FYCO1: variants seen among roughly 807,000 people sequenced by gnomAD.
FYCO1 encodes the protein FYVE and coiled-coil domain autophagy adaptor 1, also known as FYVE and coiled-coil domain-containing protein 1.
A neutral mutation model predicts 165.1 loss-of-function variants in FYCO1; 122 were observed. The ratio of observed to expected loss-of-function variants is 0.74; its 90% CI spans 0.64 to 0.86. The LOEUF (loss-of-function observed/expected upper bound fraction) is 0.86, where lower values mean the gene tolerates loss of function less well. Ranked by LOEUF, FYCO1 falls within the 40% of genes least tolerant of loss-of-function variation. The probability of loss-of-function intolerance (pLI) is 0.00; values close to 1 mark genes in which losing one functional copy is unlikely to be tolerated. For synonymous variants in FYCO1, 648 were observed against 742.5 expected (o/e 0.87, Z 2.07); for missense variants, 1,702 against 1,810.3 (o/e 0.94, Z 1.09).
At chr3:45,948,430 C>G (rs1383947926) in intron 14 of FYCO1, 1 of 153,732 alleles carries the variant, frequency 6.5e-6, no homozygotes, top group African/African-American at 2.4e-5. Context: ...GGGCTCAGAG[C>G]CCGGGAAATA....
chr3:45,966,118 T>C (rs1251210673), intron 8 of FYCO1, among the ~76,000 whole-genome samples, 159 bp downstream of exon 8: 1 of 152,236 alleles, frequency 6.6e-6, no homozygotes, highest in African/African-American at 2.4e-5. Context: ...AAGATGCTAC[T>C]GGGAGCTGTG....
chr3:45,958,727 G>T, intron 12 of FYCO1, 108 bp from the exon 13 acceptor site: 1 of 1,050,076 alleles, frequency 9.5e-7, no homozygotes, highest in Non-Finnish European at 1.5e-6. Flanking sequence ...CATCAGACCT[G>T]GCTCTGCCCC....
intron 15 of FYCO1, among the ~76,000 whole-genome samples, chr3:45,935,689 T>C (rs933144837): frequency 2.0e-5 from 3 of 152,368 alleles, no homozygotes; most frequent in African/African-American, 7.2e-5. Context: ...TAGCAAGCAC[T>C]ACCTTGTAAC....
chr3:45,964,278 G>T lies in FYCO1; in HGVS notation c.3269+58C>A. 2 of 1,312,626 alleles carry T rather than the reference G, an allele frequency of 1.5e-6. No individual in the cohort carries two copies. The highest frequency in any genetic ancestry group is 1.2e-5 in the South Asian group (1 of 84,956). 81.3% of individuals were successfully genotyped at this position (1,312,626 alleles called of 1,614,324 possible). ...GAGTGACTGACTTTCTAAATGACGA[G>T]ACCAAACACTCCTTCCCTGAAGACT... On this transcript the variant is annotated intron_variant, in intron 10 of 17. Transcript: ENST00000296137. The surrounding 1 kb of genome is among the most constrained non-coding windows in gnomAD (Gnocchi z 4.1).
Position 45,968,242 on chromosome 3 carries a change from A to G in FYCO1, c.1092T>C (p.His364=). 6.2e-7 allele frequency: 1 copy of G among 1,613,980 alleles called. No homozygotes were observed. The highest frequency in any genetic ancestry group is 8.5e-7 in the Non-Finnish European group (1 of 1,180,024). ...CTAGCCAGCCTGGGAAGCTGGCTAA[A>G]TGCTGGTTTTTCTTGTCCAGTGAGT... ...TRDSLDKKNQ[H]LASFPGWLAM... is the part of the protein sequence containing the mutation. The change falls in exon 8 of 18, where the codon CAT becomes CAC. Residue 364 remains histidine (H), a synonymous_variant. Coordinates refer to ENST00000296137, the MANE Select transcript of FYCO1 (RefSeq NM_024513.4).
chr3:45,967,772 T>C lies in FYCO1; in HGVS notation c.1562A>G (p.Gln521Arg), dbSNP rs1431291458. The change falls in exon 8 of 18, where the codon CAG (glutamine) becomes CGG (arginine). Residue 521 changes from glutamine to arginine, a missense_variant. By Grantham distance (43) the Gln-to-Arg change is conservative. Transcript: ENST00000296137. The part of the protein sequence containing the change: ...LTRQLQFLET[Q>R]LAQVSQHVSD... ...CACATGTTGGCTCACCTGTGCCAGC[T>C]GGGTCTCCAGGAACTGCAGCTGCCG... 6.2e-7 allele frequency: 1 copy of C among 1,613,810 alleles called. No homozygotes were observed.
chr3:45,927,360 T>C (rs562300559), intron 16 of FYCO1, among the ~76,000 whole-genome samples: 5 of 152,270 alleles, frequency 3.3e-5, no homozygotes, highest in East Asian at 3.9e-4. Context: ...AAATTAGAAA[T>C]CAAGAGCAGA....
At chr3:45,934,289 G>A (rs150083055) in intron 15 of FYCO1, among the ~76,000 whole-genome samples, 1 of 152,302 alleles carries the variant, frequency 6.6e-6, no homozygotes, top group Non-Finnish European at 1.5e-5. Flanking sequence ...AGATTTAAGA[G>A]CTGAGTGTAC....
At chr3:45,978,859 T>G (rs1369499551) in intron 4 of FYCO1, among the ~76,000 whole-genome samples, 3 of 54,774 alleles carry the variant, frequency 5.5e-5, no homozygotes, top group Admixed American at 6.7e-4. Context: ...TGTTCTGGAG[T>G]TTTTTTTTTT....
At chr3:45,927,466 G>T (rs1703377813) in intron 16 of FYCO1, among the ~76,000 whole-genome samples, 1 of 152,140 alleles carries the variant, frequency 6.6e-6, no homozygotes, top group Admixed American at 6.5e-5. Flanking sequence ...GGCATGGGAG[G>T]GAGAGCGAGC....
At chr3:45,986,161 G>C (rs1707305045) in intron 1 of FYCO1, among the ~76,000 whole-genome samples, 2 of 152,224 alleles carry the variant, frequency 1.3e-5, no homozygotes, top group South Asian at 4.1e-4. Flanking sequence ...GAATCACAGA[G>C]ACTGAACTCT....
In FYCO1 at chr3:45,935,126, G is replaced by C. The variant is rs571347733; in HGVS notation, c.4040+1322C>G. Among the ~76,000 whole-genome samples, 8 of 152,266 alleles carry C rather than the reference G, an allele frequency of 5.3e-5. No homozygotes were observed. The South Asian group carries it at 1.7e-3, about 32-fold the overall frequency. On this transcript the variant is annotated intron_variant, in intron 15 of 17. Coordinates refer to ENST00000296137, the MANE Select transcript of FYCO1 (RefSeq NM_024513.4). ...TCTCACGACCACATCTAAACCTTCA[G>C]GAAATTCTGTCTGCACCACCTTCAA...
rs1260558432 is a variant in FYCO1, at chr3:45,979,704, C to T, written c.288+1G>A. On this transcript the variant is annotated splice_donor_variant, in intron 4 of 17. Coordinates refer to ENST00000296137, the MANE Select transcript of FYCO1 (RefSeq NM_024513.4). LOFTEE classifies it high-confidence loss of function. The stretch of plus-strand genomic sequence containing the variant: ...AGTTGTTGGCTGCTTGCTCAGCTTA[C>T]CTCTGAGATAGACTTGACAAAGCGG... 1 of 1,613,804 alleles carries T rather than the reference C, an allele frequency of 6.2e-7. No individual in the cohort carries two copies. Among genetic ancestry groups the T allele is most frequent in the Admixed American group, 1.7e-5 (1 of 60,024 alleles).
Position 45,938,847 on chromosome 3 carries a change from A to G in FYCO1, c.3945-2304T>C, listed in dbSNP as rs895858159. 9.2e-5 allele frequency among the ~76,000 whole-genome samples: 14 copies of G among 152,320 alleles called. No homozygotes were observed. The East Asian group carries it at 2.7e-3, about 29-fold the overall frequency. On this transcript the variant is annotated intron_variant, in intron 14 of 17. Coordinates refer to ENST00000296137, the MANE Select transcript of FYCO1 (RefSeq NM_024513.4). ...ACACATGCAAACTAGGTAGCCGTGC[A>G]AAATGTATTTCTTACCATGAGATGT...
At chr3:45,985,125 T>C in intron 1 of FYCO1, 103 bp from the exon 2 acceptor site, 1 of 652,450 alleles carries the variant, frequency 1.5e-6, no homozygotes, top group Non-Finnish European at 2.8e-6. Context: ...CCTATCTGGG[T>C]GTATTCCCTC....
In FYCO1 at chr3:45,962,078, G is replaced by A; in HGVS notation, c.3437+147C>T. 1 of 874,426 alleles carries A rather than the reference G, an allele frequency of 1.1e-6. No individual in the cohort carries two copies. The highest frequency in any genetic ancestry group is 1.9e-6 in the Non-Finnish European group (1 of 526,942). The allele number at this position is 874,426 out of a possible 1,614,324, so 54.2% of individuals were successfully genotyped here. On this transcript the variant is annotated intron_variant, in intron 11 of 17. Transcript: ENST00000296137. The surrounding 1 kb of genome is among the most constrained non-coding windows in gnomAD (Gnocchi z 4.4). The stretch of plus-strand genomic sequence containing the variant: ...TTGGGACTCTAGTACTGGGGAAAGT[G>A]AGATGGAGAAGGAGAGAGGGGCTCC...
intron 16 of FYCO1, among the ~76,000 whole-genome samples, chr3:45,929,668 G>T (rs1703496298): frequency 6.6e-6 from 1 of 152,198 alleles, no homozygotes; most frequent in Admixed American, 6.5e-5. Flanking sequence ...GAGGTAGGTA[G>T]GAGGAGCTGG....
At chr3:45,943,975 T>A (rs1215002596) in intron 14 of FYCO1, among the ~76,000 whole-genome samples, 1 of 152,140 alleles carries the variant, frequency 6.6e-6, no homozygotes, top group Non-Finnish European at 1.5e-5. Flanking sequence ...AAAACTATTT[T>A]AAAAAAAGGA....
At chr3:45,939,126 T>C (rs185653470) in intron 14 of FYCO1, among the ~76,000 whole-genome samples, 2 of 152,382 alleles carry the variant, frequency 1.3e-5, no homozygotes, top group South Asian at 2.1e-4. Context: ...TCCGAGTTTC[T>C]GTCTGCAGCC....
Sources: allele counts gnomAD v4.1 joint callset (sites outside exome capture counted in the v4.1 genomes callset), GRCh38; gene constraint gnomAD v4.1.1; non-coding constraint Gnocchi (gnomAD v3.1); transcripts MANE v1.5; gene names NCBI Gene and HGNC (gene_info 2026-07-23, HGNC 2026-07-21).